EBF2: variants seen among roughly 807,000 people sequenced by gnomAD.
The protein encoded by EBF2 is EBF transcription factor 2.
Under a neutral mutation model 72.8 loss-of-function variants are expected in EBF2, and 21 were observed. The ratio of observed to expected loss-of-function variants is 0.29; its 90% confidence interval spans 0.20 to 0.42. The LOEUF is 0.42. EBF2 is among the 10% of genes least tolerant of loss of function. The pLI is 1.00. For missense variants in EBF2, 637 were observed against 731.2 expected, an observed-to-expected ratio of 0.87 and a Z score of 1.49; for synonymous variants, 299 against 274.2, an observed-to-expected ratio of 1.09 and a Z score of -0.89.
chr8:25,906,830 A>C (rs1461125559), intron 7 of EBF2, among the ~76,000 whole-genome samples: 2 of 152,190 alleles, frequency 1.3e-5, no homozygotes, highest in Non-Finnish European at 2.9e-5. Flanking sequence ...CCCAAGAGAG[A>C]AAAAGTCTCC....
At position 25,844,558 on chromosome 8, in the gene EBF2, T is replaced by G. The variant is rs1159964048; in HGVS notation, c.*51A>C. On this transcript the variant is annotated 3_prime_UTR_variant, in exon 16 of 16. Transcript: ENST00000520164. ...AAAGAGCTCCTAGTGCTTTCTTCAT[T>G]ATTGGTCCATCAGAGTAAGTAGTTT... 1 of 1,606,886 alleles carries G rather than the reference T, an allele frequency of 6.2e-7. No individual in the cohort carries two copies. Among genetic ancestry groups the G allele is most frequent in the Non-Finnish European group, 8.5e-7 (1 of 1,173,664 alleles).
intron 10 of EBF2, among the ~76,000 whole-genome samples, chr8:25,866,163 T>C (rs921538027): frequency 6.6e-6 from 1 of 152,024 alleles, no homozygotes; most frequent in African/African-American, 2.4e-5. Flanking sequence ...CTCCTTTTGA[T>C]AGATGCATTA....
At chr8:25,898,395 T>A (rs540976784) in intron 7 of EBF2, among the ~76,000 whole-genome samples, 2 of 151,490 alleles carry the variant, frequency 1.3e-5, no homozygotes, top group Non-Finnish European at 2.9e-5. Context: ...GGCTTTAGAG[T>A]AAACACCTTC....
chr8:25,879,427 G>A (rs577780454), intron 10 of EBF2, among the ~76,000 whole-genome samples: 2 of 152,262 alleles, frequency 1.3e-5, no homozygotes, highest in Non-Finnish European at 2.9e-5. Context: ...GAATTGCTGG[G>A]TCAAAGGGCA....
chr8:25,955,609 T>C (rs900824917), intron 6 of EBF2, among the ~76,000 whole-genome samples: 1 of 152,210 alleles, frequency 6.6e-6, no homozygotes, highest in African/African-American at 2.4e-5. Context: ...TACTTTTATA[T>C]AGCTTATTGA....
chr8:25,991,266 G>T (rs183979027), intron 6 of EBF2, among the ~76,000 whole-genome samples: 1 of 152,188 alleles, frequency 6.6e-6, no homozygotes, highest in African/African-American at 2.4e-5. Flanking sequence ...ATGAAGGCAC[G>T]TAGGTGGGGG....
At chr8:25,857,672 G>T (rs1242967961) in intron 14 of EBF2, among the ~76,000 whole-genome samples, 1 of 152,154 alleles carries the variant, frequency 6.6e-6, no homozygotes, top group Non-Finnish European at 1.5e-5. Flanking sequence ...CCAGAGCAGG[G>T]ACTTTGCTGC....
rs563492393 is a variant in EBF2, at chr8:26,044,530, C to T, written c.131+199G>A. On this transcript the variant is annotated intron_variant, in intron 1 of 15. Transcript: ENST00000520164. This position sits in a 1 kb window ranked among gnomAD's most constrained non-coding sequence, Gnocchi z 4.1. ...CTACGACCCAGGCAGTTCAGGAACT[C>T]GAGTGCCGGCTGCCGGGTGAGCGTT... 6.6e-6 allele frequency among the ~76,000 whole-genome samples: 1 copy of T among 152,218 alleles called. No homozygotes were observed. The highest frequency in any genetic ancestry group is 2.1e-4 in the South Asian group (1 of 4,834).
chr8:25,963,623 A>G (rs1585209675), intron 6 of EBF2, among the ~76,000 whole-genome samples: 1 of 152,198 alleles, frequency 6.6e-6, no homozygotes, highest in African/African-American at 2.4e-5. Context: ...AAAATTCTCT[A>G]TTCACTCCCA....
intron 4 of EBF2, 107 bp downstream of exon 4, chr8:26,040,509 G>T (rs567648934): frequency 1.8e-6 from 2 of 1,082,376 alleles, no homozygotes; most frequent in South Asian, 3.1e-5. Flanking sequence ...GGGCTGTGGA[G>T]TCTGACCCAG....
At position 26,044,690 on chromosome 8, in the gene EBF2, G is replaced by C; in HGVS notation, c.131+39C>G. 1 of 1,607,384 alleles carries C rather than the reference G, an allele frequency of 6.2e-7. No homozygotes were observed. Among genetic ancestry groups the C allele is most frequent in the African/African-American group, 1.3e-5 (1 of 74,922 alleles). On this transcript the variant is annotated intron_variant, in intron 1 of 15. Coordinates refer to ENST00000520164, the MANE Select transcript of EBF2 (RefSeq NM_022659.4). The surrounding 1 kb of genome is among the most constrained non-coding windows in gnomAD (Gnocchi z 4.1). ...GCACACGGAGAGACAGACCGTAAGA[G>C]CGAGAGACAGCATAATAATTGCGCG...
chr8:26,005,561 T>TATATATATAGAGAGAGAGAG (rs375386709), intron 6 of EBF2, among the ~76,000 whole-genome samples: 2 of 63,884 alleles, frequency 3.1e-5, no homozygotes, highest in Non-Finnish European at 5.2e-5. Context: ...TATATATATA[T>TATATATATAGAGAGAGAGAG]AGAGAGAGAG....
At chr8:26,043,785 A>G (rs1222344502) in intron 1 of EBF2, among the ~76,000 whole-genome samples, 1 of 152,174 alleles carries the variant, frequency 6.6e-6, no homozygotes, top group African/African-American at 2.4e-5. Context: ...GAAGAAGTTC[A>G]TCGGCTCTTT....
intron 15 of EBF2, among the ~76,000 whole-genome samples, chr8:25,847,657 C>T (rs1801866127): frequency 6.6e-6 from 1 of 152,244 alleles, no homozygotes; most frequent in Non-Finnish European, 1.5e-5. Flanking sequence ...GAAACTGAGG[C>T]TCTGAGATAA....
chr8:25,934,279 A>G (rs2117149296), intron 6 of EBF2, among the ~76,000 whole-genome samples: 1 of 146,390 alleles, frequency 6.8e-6, no homozygotes, highest in Non-Finnish European at 1.5e-5. Context: ...ACACACACCA[A>G]TCTTGTTTTT....
intron 6 of EBF2, among the ~76,000 whole-genome samples, chr8:26,014,125 G>A (rs1255864442): frequency 6.6e-6 from 1 of 152,116 alleles, no homozygotes; most frequent in African/African-American, 2.4e-5. Flanking sequence ...CTATGAATTT[G>A]ATAAGGCATA....
intron 6 of EBF2, among the ~76,000 whole-genome samples, chr8:25,962,164 T>C (rs1017872080): frequency 8.5e-5 from 13 of 152,200 alleles, no homozygotes; most frequent in African/African-American, 2.4e-4. Context: ...CATGTGTTCC[T>C]GTGCATGAAG....
intron 10 of EBF2, among the ~76,000 whole-genome samples, chr8:25,872,716 C>A (rs977859806): frequency 6.6e-6 from 1 of 150,516 alleles, no homozygotes; most frequent in Non-Finnish European, 1.5e-5. Flanking sequence ...CAACAACAAA[C>A]CCTTAAATCT....
At chr8:25,884,362 T>G (rs1386002830) in intron 10 of EBF2, among the ~76,000 whole-genome samples, 12 of 152,030 alleles carry the variant, frequency 7.9e-5, no homozygotes, top group African/African-American at 2.9e-4. Flanking sequence ...GAGGAGGGAA[T>G]GTGGATGGAG....
Sources: allele counts gnomAD v4.1 joint callset (sites outside exome capture counted in the v4.1 genomes callset), GRCh38; gene constraint gnomAD v4.1.1; non-coding constraint Gnocchi (gnomAD v3.1); transcripts MANE v1.5; gene names NCBI Gene and HGNC (gene_info 2026-07-23, HGNC 2026-07-21).